The following CEACAM19 variants were observed in gnomAD, a reference collection of about 807,000 sequenced individuals.
The protein encoded by CEACAM19 is CEA cell adhesion molecule 19.
Under a neutral mutation model 37.6 loss-of-function variants are expected in CEACAM19, and 37 were observed. That is an observed-to-expected ratio of 0.98 (90% CI 0.76 to 1.29). CEACAM19 has a LOEUF of 1.29. Ranked by LOEUF, CEACAM19 falls within the 50% of genes most tolerant of loss-of-function variation. The pLI is 0.00. For missense variants in CEACAM19, 340 were observed against 375.6 expected, an observed-to-expected ratio of 0.91 and a Z score of 0.78; for synonymous variants, 140 against 149.8, an observed-to-expected ratio of 0.93 and a Z score of 0.48.
chr19:44,678,658 A>C lies in CEACAM19; in HGVS notation c.576-195A>C, dbSNP rs528806708. ...ACTCCTGAACTCAGGTGATCTGCCCACCTTGGCCTCCCAAAGTGTTGGGAT... is the reference window on the plus strand; with the variant it reads ...ACTCCTGAACTCAGGTGATCTGCCCCCCTTGGCCTCCCAAAGTGTTGGGAT... On this transcript the variant is annotated intron_variant, in intron 3 of 7. Transcript: ENST00000358777. 2.5e-5 allele frequency: 16 copies of C among 634,464 alleles called. No homozygotes were observed. In the South Asian group the frequency reaches 3.9e-4, roughly 16 times the overall value. 39.3% of individuals were successfully genotyped at this position (634,464 alleles called of 1,614,324 possible).
At position 44,680,301 on chromosome 19, in the gene CEACAM19, G is replaced by C. The variant is rs748862625; in HGVS notation, c.673G>C (p.Glu225Gln). The change falls in exon 5 of 8, where the codon GAG becomes CAG. Residue 225 changes from glutamate to glutamine, a missense_variant. Physicochemically the swap from Glu to Gln is conservative, Grantham distance 29. Coordinates refer to ENST00000358777, the MANE Select transcript of CEACAM19 (RefSeq NM_001127893.3). ...VTPSTWMATT[E>Q]KPELGPAHDA... The stretch of plus-strand genomic sequence containing the variant: ...ATGTGTCCCCAGGATGGCGACCACA[G>C]AGAAGCCAGAATTGGGCCCTGCTCA... 1.2e-6 allele frequency: 2 copies of C among 1,610,152 alleles called. No individual in the cohort carries two copies. Among genetic ancestry groups the C allele is most frequent in the East Asian group, 4.5e-5 (2 of 44,828 alleles).
chr19:44,676,268 C>A lies in CEACAM19; in HGVS notation c.425-3C>A. On this transcript the variant is annotated splice_region_variant and splice_polypyrimidine_tract_variant and intron_variant, in intron 2 of 7. Transcript: ENST00000358777. ...CTCTCTCTTTCTTTCTCTCACCCCT[C>A]AGAAAAGAATAAGGAGCTGCCCAGT... is the stretch of plus-strand genomic sequence containing the variant. 1.9e-6 allele frequency: 3 copies of A among 1,613,750 alleles called. No homozygotes were observed. The highest frequency in any genetic ancestry group is 2.5e-6 in the Non-Finnish European group (3 of 1,179,796).
At chr19:44,674,734 G>C (rs978820607) in intron 2 of CEACAM19, among the ~76,000 whole-genome samples, 5 of 152,128 alleles carry the variant, frequency 3.3e-5, no homozygotes, top group African/African-American at 1.2e-4. Flanking sequence ...GTTTTGGACA[G>C]TGAATAGAAA....
In CEACAM19 at chr19:44,681,237, C is replaced by T. The variant is rs201806892; in HGVS notation, c.717C>T (p.Asn239=). 8 of 1,613,864 alleles carry T rather than the reference C, an allele frequency of 5.0e-6. No homozygotes were observed. The African/African-American group carries it at 8.0e-5, about 16-fold the overall frequency. The change falls in exon 6 of 8, where the codon AAC becomes AAT. Residue 239 remains asparagine (N), a synonymous_variant. Transcript: ENST00000358777. ...TGGCCTCTGTTTCAGGTGACAACAA[C>T]ATCTATGAAGTGATGCCCTCTCCAG... ...LGPAHDAGDN[N]IYEVMPSPVL... is the part of the protein sequence containing the mutation.
intron 1 of CEACAM19, 66 bp from the exon 2 acceptor site, chr19:44,672,530 G>C: frequency 7.1e-7 from 1 of 1,415,468 alleles, no homozygotes. Flanking sequence ...TCTGTATCTA[G>C]AGAGGAGCAT....
intron 2 of CEACAM19, among the ~76,000 whole-genome samples, chr19:44,673,537 A>G (rs929172678): frequency 4.6e-5 from 7 of 152,132 alleles, no homozygotes; most frequent in Non-Finnish European, 7.3e-5. Context: ...TCTACTCACT[A>G]GGTACCAGTA....
intron 2 of CEACAM19, among the ~76,000 whole-genome samples, chr19:44,674,902 G>A (rs1285101585): frequency 6.6e-6 from 1 of 152,064 alleles, no homozygotes; most frequent in Non-Finnish European, 1.5e-5. Context: ...ACATTTCCGG[G>A]GTTCCCAGGT....
upstream of CEACAM19, among the ~76,000 whole-genome samples, chr19:44,668,732 TATA>T (rs1285598669): frequency 9.9e-6 from 1 of 101,284 alleles, no homozygotes; most frequent in African/African-American, 4.8e-5. Flanking sequence ...TATATATAAA[TATA>T]ATATATAATA....
chr19:44,672,692 TGTCA>T lies in CEACAM19; in HGVS notation c.156_159del (p.Val53ArgfsTer69). The T allele has an allele frequency of 6.4e-7, 1 of 1,566,616 alleles. No homozygotes were observed. The highest frequency in any genetic ancestry group is 1.2e-5 in the South Asian group (1 of 84,258). On this transcript the variant is annotated frameshift_variant, in exon 2 of 8. Transcript: ENST00000358777. LOFTEE classifies it high-confidence loss of function. The stretch of plus-strand genomic sequence containing the variant: ...CCTCAAAAGAACCAGGACCTTCTCC[TGTCA>T]GTCCAGGGTGTCCCAGACACCTTCC...
At chr19:44,682,683 G>T in intron 7 of CEACAM19, 63 bp downstream of exon 7, 1 of 1,469,926 alleles carries the variant, frequency 6.8e-7, no homozygotes, top group Non-Finnish European at 9.2e-7. Context: ...CCCGAAGCCG[G>T]GGTGGGGAGG....
chr19:44,682,554 C>T lies in CEACAM19; in HGVS notation c.793-13C>T, dbSNP rs752318564. ...GTGCCGAGCGCCCACTCACCCGTGT[C>T]CTTCCCTTGCAGCCCCTGCCCACAC... is the stretch of plus-strand genomic sequence containing the variant. On this transcript the variant is annotated splice_polypyrimidine_tract_variant and intron_variant, in intron 6 of 7. Transcript: ENST00000358777. 5 of 1,594,840 alleles carry T rather than the reference C, an allele frequency of 3.1e-6. No individual in the cohort carries two copies. The South Asian group carries it at 4.6e-5, about 15-fold the overall frequency.
At chr19:44,681,630 A>G (rs143317823) in intron 6 of CEACAM19, among the ~76,000 whole-genome samples, 1 of 152,298 alleles carries the variant, frequency 6.6e-6, no homozygotes, top group East Asian at 1.9e-4. Context: ...CGAAAGGTTT[A>G]TAAAAATGAG....
chr19:44,670,808 AAAAC>A (rs1973843248), upstream of CEACAM19, among the ~76,000 whole-genome samples: 2 of 141,668 alleles, frequency 1.4e-5, no homozygotes, highest in African/African-American at 2.9e-5. Context: ...AAAAAAAAAA[AAAAC>A]AGGCTGAGCG....
At chr19:44,667,796 A>T (rs1464139609), upstream of CEACAM19, among the ~76,000 whole-genome samples, 5 of 72,802 alleles carry the variant, frequency 6.9e-5, no homozygotes, top group East Asian at 4.4e-4. Flanking sequence ...ATATATATAA[A>T]TTATATAATT....
chr19:44,677,387 A>G (rs1973969836), intron 3 of CEACAM19, among the ~76,000 whole-genome samples: 1 of 151,920 alleles, frequency 6.6e-6, no homozygotes, highest in South Asian at 2.1e-4. Flanking sequence ...AAAGAAGGGG[A>G]GTGGGCAGCA....
chr19:44,683,271 A>G, intron 7 of CEACAM19, 166 bp from the exon 8 acceptor site: 1 of 491,572 alleles, frequency 2.0e-6, no homozygotes, highest in Non-Finnish European at 3.8e-6. Context: ...TGGCTCTTCC[A>G]GGACCTCTTG....
At chr19:44,683,170 G>A in intron 7 of CEACAM19, 1 of 384,728 alleles carries the variant, frequency 2.6e-6, no homozygotes, top group Non-Finnish European at 4.7e-6. Flanking sequence ...CTCTTTACAT[G>A]TCTTCGTTTC....
chr19:44,670,713 G>A (rs1184744340), upstream of CEACAM19, among the ~76,000 whole-genome samples: 3 of 142,024 alleles, frequency 2.1e-5, no homozygotes, highest in African/African-American at 7.8e-5. Flanking sequence ...GCAATTATAG[G>A]TGACATATTT....
upstream of CEACAM19, among the ~76,000 whole-genome samples, chr19:44,670,807 A>AC (rs1369410028): frequency 7.1e-6 from 1 of 140,890 alleles, no homozygotes; most frequent in Non-Finnish European, 1.5e-5. Context: ...AAAAAAAAAA[A>AC]AAAACAGGCT....
Sources: gnomAD v4.1 joint callset for allele counts (sites outside exome capture counted in the v4.1 genomes callset) on GRCh38, gnomAD v4.1.1 for gene constraint, MANE v1.5 for transcripts, NCBI Gene and HGNC (gene_info 2026-07-23, HGNC 2026-07-21) for gene names.